The following SLC41A2 variants were observed in gnomAD, a reference collection of about 807,000 sequenced individuals.
The protein encoded by SLC41A2 is solute carrier family 41 member 2.
In SLC41A2, 32 loss-of-function variants were observed where a neutral mutation model predicts 58.3. The observed-to-expected ratio is 0.55, with a 90% CI of 0.41 to 0.74. The LOEUF (loss-of-function observed/expected upper bound fraction) is 0.74. Among genes scored for constraint, SLC41A2 ranks in the 30% least tolerant of loss-of-function variants. The pLI, the probability that SLC41A2 is intolerant of heterozygous loss-of-function variation, is 0.00. For synonymous variants in SLC41A2, 190 were observed against 235.0 expected (o/e 0.81, Z 1.75); for missense variants, 514 against 680.6 (o/e 0.76, Z 2.72).
intron 1 of SLC41A2, among the ~76,000 whole-genome samples, chr12:104,953,624 C>G (rs1399873741): frequency 6.6e-6 from 1 of 152,184 alleles, no homozygotes; most frequent in Non-Finnish European, 1.5e-5. Flanking sequence ...ACTTTCCCTT[C>G]CATTTCCTGG....
At chr12:104,916,729 T>C (rs1186554489) in intron 2 of SLC41A2, among the ~76,000 whole-genome samples, 1 of 152,214 alleles carries the variant, frequency 6.6e-6, no homozygotes, top group East Asian at 1.9e-4. Flanking sequence ...GGGGAAAGAA[T>C]TTCCTATTTA....
chr12:104,904,941 T>C (rs976174421), intron 3 of SLC41A2, among the ~76,000 whole-genome samples: 3 of 152,156 alleles, frequency 2.0e-5, no homozygotes, highest in African/African-American at 7.2e-5. Flanking sequence ...CCAAGCGGGT[T>C]ACCAATGCTG....
At chr12:104,953,783 A>G (rs990622543) in intron 1 of SLC41A2, among the ~76,000 whole-genome samples, 5 of 152,178 alleles carry the variant, frequency 3.3e-5, no homozygotes, top group African/African-American at 7.2e-5. Context: ...TCTGATCTCA[A>G]TTTGACTAGA....
intron 10 of SLC41A2, among the ~76,000 whole-genome samples, chr12:104,808,718 G>T (rs2041038537): frequency 6.6e-6 from 1 of 152,150 alleles, no homozygotes; most frequent in African/African-American, 2.4e-5. Flanking sequence ...TGGTTGGTAA[G>T]CTATTGATTA....
chr12:104,912,999 T>G (rs2046152318), intron 2 of SLC41A2, among the ~76,000 whole-genome samples: 1 of 152,226 alleles, frequency 6.6e-6, no homozygotes, highest in Non-Finnish European at 1.5e-5. Flanking sequence ...GCTTTAGACC[T>G]GTTGGAATGC....
intron 10 of SLC41A2, among the ~76,000 whole-genome samples, chr12:104,842,445 A>G (rs1189166741): frequency 6.6e-6 from 1 of 152,166 alleles, no homozygotes; most frequent in Non-Finnish European, 1.5e-5. Flanking sequence ...TTCAATCAAC[A>G]GTATAGTTTC....
At chr12:104,892,351 T>G (rs2045049532) in intron 4 of SLC41A2, among the ~76,000 whole-genome samples, 1 of 148,832 alleles carries the variant, frequency 6.7e-6, no homozygotes, top group Non-Finnish European at 1.5e-5. Flanking sequence ...ATGCAAGAAA[T>G]TGAAGAGGAC....
At chr12:104,820,187 C>G (rs560092627) in intron 10 of SLC41A2, among the ~76,000 whole-genome samples, 1 of 152,332 alleles carries the variant, frequency 6.6e-6, no homozygotes, top group African/African-American at 2.4e-5. Context: ...AAATCTAGGC[C>G]AGGCATGGTG....
intron 8 of SLC41A2, among the ~76,000 whole-genome samples, chr12:104,856,583 A>T (rs1043778726): frequency 6.6e-6 from 1 of 152,172 alleles, no homozygotes; most frequent in African/African-American, 2.4e-5. Flanking sequence ...TGTAAGCTAA[A>T]GGGAAAAGAT....
intron 1 of SLC41A2, among the ~76,000 whole-genome samples, chr12:104,954,496 C>T (rs1263045075): frequency 6.6e-6 from 1 of 152,184 alleles, no homozygotes; most frequent in South Asian, 2.1e-4. Context: ...ATAAGCGCCA[C>T]TAAAAACCCC....
chr12:104,942,304 A>G (rs879364402), intron 1 of SLC41A2, among the ~76,000 whole-genome samples: 5 of 151,816 alleles, frequency 3.3e-5, no homozygotes, highest in Non-Finnish European at 7.4e-5. Context: ...CATGGCAGAA[A>G]CCCGACTCTA....
chr12:104,894,015 T>C (rs1302350065), intron 4 of SLC41A2, among the ~76,000 whole-genome samples: 2 of 152,154 alleles, frequency 1.3e-5, no homozygotes, highest in Non-Finnish European at 2.9e-5. Context: ...TGGATTGTTG[T>C]AACACAGAGG....
chr12:104,803,118 TA>T lies in SLC41A2; in HGVS notation c.*2033del, dbSNP rs1204800547. 2 of 152,208 alleles carry T rather than the reference TA, an allele frequency of 1.3e-5. No homozygotes were observed. Among genetic ancestry groups the T allele is most frequent in the Non-Finnish European group, 2.9e-5 (2 of 68,022 alleles). The allele number at this position is 152,208 out of a possible 1,614,324, so 9.4% of individuals were successfully genotyped here. A position where few individuals can be genotyped will look rare whatever the true frequency, so the allele number is the denominator to read the frequency against. On this transcript the variant is annotated 3_prime_UTR_variant, in exon 11 of 11. Coordinates refer to ENST00000258538, the MANE Select transcript of SLC41A2 (RefSeq NM_001352171.3). ...ATAATAAAGTTGTTGATTAATGCTT[TA>T]AAAATGTAGCTTGCCCTGTATATTT... is the stretch of plus-strand genomic sequence containing the variant.
chr12:104,919,722 T>C (rs554981835), intron 2 of SLC41A2, among the ~76,000 whole-genome samples: 1 of 152,372 alleles, frequency 6.6e-6, no homozygotes, highest in South Asian at 2.1e-4. Flanking sequence ...TTCTTACATA[T>C]ACTAATCCTT....
intron 10 of SLC41A2, among the ~76,000 whole-genome samples, chr12:104,838,903 A>G (rs753702234): frequency 3.9e-5 from 6 of 152,328 alleles, no homozygotes; most frequent in Non-Finnish European, 7.4e-5. Context: ...TATGTACTAT[A>G]TACTTGACAA....
intron 10 of SLC41A2, among the ~76,000 whole-genome samples, chr12:104,840,212 A>C (rs753550435): frequency 6.6e-6 from 1 of 152,206 alleles, no homozygotes; most frequent in Admixed American, 6.5e-5. Context: ...TTTTGAGTTC[A>C]TAAGTTAACA....
At chr12:104,945,810 AT>A (rs1042186619) in intron 1 of SLC41A2, among the ~76,000 whole-genome samples, 2 of 152,086 alleles carry the variant, frequency 1.3e-5, no homozygotes, top group African/African-American at 4.8e-5. Context: ...GCTGTACTCC[AT>A]TTTTTCATAG....
chr12:104,854,769 TGA>T (rs1200372570), intron 8 of SLC41A2, among the ~76,000 whole-genome samples: 4 of 152,104 alleles, frequency 2.6e-5, no homozygotes, highest in African/African-American at 9.7e-5. Flanking sequence ...TGCCATGACA[TGA>T]GAAAGATTAG....
intron 6 of SLC41A2, among the ~76,000 whole-genome samples, chr12:104,883,884 A>T (rs139196520): frequency 0.012 from 1,882 of 152,368 alleles, 51 homozygotes; most frequent in African/African-American, 0.043. Flanking sequence ...GCTGTCAGAC[A>T]GGGACGTTTA....
Sources: allele counts gnomAD v4.1 joint callset (sites outside exome capture counted in the v4.1 genomes callset), GRCh38; gene constraint gnomAD v4.1.1; transcripts MANE v1.5; gene names NCBI Gene and HGNC (gene_info 2026-07-23, HGNC 2026-07-21).